Variants in CTNNA3 observed in about 807,000 individuals in gnomAD.
CTNNA3 encodes the protein catenin alpha 3.
Under a neutral mutation model 95.7 loss-of-function variants are expected in CTNNA3, and 76 were observed. The observed-to-expected ratio is 0.79, with a 90% CI of 0.66 to 0.96. CTNNA3 has a LOEUF of 0.96. Among genes scored for constraint, CTNNA3 ranks in the 40% least tolerant of loss-of-function variants. The pLI, the probability that CTNNA3 is intolerant of heterozygous loss-of-function variation, is 0.00. For synonymous variants in CTNNA3, 431 were observed against 374.4 expected (o/e 1.15, Z -1.74); for missense variants, 1,191 against 1,089.8 (o/e 1.09, Z -1.31).
At chr10:67,418,505 A>C (rs569666581) in intron 5 of CTNNA3, among the ~76,000 whole-genome samples, 5 of 82,120 alleles carry the variant, frequency 6.1e-5, no homozygotes, top group Middle Eastern at 6.9e-3. Context: ...ATTGAATACT[A>C]TTTCACTGTA....
At chr10:66,723,726 C>A (rs953829371) in intron 9 of CTNNA3, among the ~76,000 whole-genome samples, 3 of 152,104 alleles carry the variant, frequency 2.0e-5, no homozygotes, top group Admixed American at 6.6e-5. Context: ...TCTATATAGT[C>A]TGGATTCCCA....
At chr10:67,455,488 G>GGGAA (rs1215754771) in intron 5 of CTNNA3, among the ~76,000 whole-genome samples, 2 of 152,142 alleles carry the variant, frequency 1.3e-5, no homozygotes, top group African/African-American at 4.8e-5. Context: ...GAGTAGGAAG[G>GGGAA]GGAAGGGACA....
chr10:67,048,240 T>C (rs1854871901), intron 7 of CTNNA3, among the ~76,000 whole-genome samples: 1 of 152,102 alleles, frequency 6.6e-6, no homozygotes, highest in Non-Finnish European at 1.5e-5. Context: ...ATCATTTATA[T>C]AAACGAGGAA....
intron 9 of CTNNA3, among the ~76,000 whole-genome samples, chr10:66,702,874 A>G (rs1589146281): frequency 6.6e-6 from 1 of 151,984 alleles, no homozygotes; most frequent in Non-Finnish European, 1.5e-5. Context: ...CCCGTCACAC[A>G]TTTTTACCTT....
chr10:67,164,414 T>C (rs1305227852), intron 7 of CTNNA3, among the ~76,000 whole-genome samples: 18 of 152,084 alleles, frequency 1.2e-4, no homozygotes, highest in Non-Finnish European at 5.9e-5. Context: ...GTAGGAACTT[T>C]GAGAAAAGTC....
chr10:67,090,230 G>A (rs10822973), intron 7 of CTNNA3, among the ~76,000 whole-genome samples: 16,909 of 151,928 alleles, frequency 0.11, 1,116 homozygotes, highest in African/African-American at 0.19. Flanking sequence ...CCTTGTATTG[G>A]TCAATATGTG....
At chr10:67,669,707 T>C (rs1260284092) in intron 1 of CTNNA3, among the ~76,000 whole-genome samples, 2 of 152,252 alleles carry the variant, frequency 1.3e-5, no homozygotes, top group Admixed American at 6.5e-5. Flanking sequence ...TGTGGAAAGA[T>C]ACTTTTCTCT....
At chr10:65,928,616 A>G (rs2077203535) in intron 17 of CTNNA3, among the ~76,000 whole-genome samples, 1 of 152,208 alleles carries the variant, frequency 6.6e-6, no homozygotes, top group South Asian at 2.1e-4. Flanking sequence ...AAGTGCAGAA[A>G]CCACATGCAA....
chr10:66,799,710 G>A (rs1841356728), intron 7 of CTNNA3, among the ~76,000 whole-genome samples: 2 of 151,158 alleles, frequency 1.3e-5, no homozygotes, highest in Admixed American at 6.6e-5. Flanking sequence ...AGAAATAATG[G>A]CTGATAATTT....
At chr10:67,197,995 T>C (rs906563000) in intron 6 of CTNNA3, among the ~76,000 whole-genome samples, 1 of 152,182 alleles carries the variant, frequency 6.6e-6, no homozygotes, top group Non-Finnish European at 1.5e-5. Context: ...GAGCAATCTA[T>C]GTTGATGAAA....
intron 16 of CTNNA3, among the ~76,000 whole-genome samples, chr10:65,985,204 G>T (rs1476079752): frequency 6.6e-6 from 1 of 150,822 alleles, no homozygotes; most frequent in Non-Finnish European, 1.5e-5. Flanking sequence ...ATAAAAAGAA[G>T]CCCAAAAACC....
At chr10:65,955,648 T>C (rs1022086644) in intron 17 of CTNNA3, among the ~76,000 whole-genome samples, 17 of 152,320 alleles carry the variant, frequency 1.1e-4, no homozygotes, top group African/African-American at 4.1e-4. Flanking sequence ...GAGACAATCA[T>C]GTAGTTTTTG....
chr10:66,345,442 C>T (rs2092499570), intron 12 of CTNNA3, among the ~76,000 whole-genome samples: 1 of 152,126 alleles, frequency 6.6e-6, no homozygotes, highest in South Asian at 2.1e-4. Context: ...ATGGACTCTG[C>T]TCCTCTGTGT....
intron 15 of CTNNA3, among the ~76,000 whole-genome samples, chr10:66,019,037 T>G (rs1413893434): frequency 6.6e-6 from 1 of 152,154 alleles, no homozygotes; most frequent in African/African-American, 2.4e-5. Context: ...AAGACAGATA[T>G]GAAGCATTTT....
intron 12 of CTNNA3, among the ~76,000 whole-genome samples, chr10:66,328,739 C>T (rs372529918): frequency 1.3e-5 from 2 of 151,002 alleles, no homozygotes; most frequent in African/African-American, 4.9e-5. Flanking sequence ...TGGAGACCCA[C>T]TAAATCTGGT....
At chr10:66,543,762 T>C (rs557812983) in intron 10 of CTNNA3, among the ~76,000 whole-genome samples, 191 of 151,678 alleles carry the variant, frequency 1.3e-3, no homozygotes, top group African/African-American at 4.0e-3. Context: ...AAGCTGTGAA[T>C]AGCTTGTAAC....
intron 5 of CTNNA3, among the ~76,000 whole-genome samples, chr10:67,314,787 TTTA>T (rs1197277107): frequency 6.6e-6 from 1 of 152,228 alleles, no homozygotes; most frequent in East Asian, 1.9e-4. Context: ...TTGACTATCA[TTTA>T]TTATTGTTTA....
At position 67,189,139 on chromosome 10, in the gene CTNNA3, C is replaced by CAAA. The variant is rs556316828; in HGVS notation, c.844-8620_844-8619insTTT. On this transcript the variant is annotated intron_variant, in intron 6 of 17. Transcript: ENST00000433211. ...CAAACAAACAAACAAACAACAACAACAACAAAAAAAAAAACAGAAAATTCT... is the reference window on the plus strand; with the variant it reads ...CAAACAAACAAACAAACAACAACAACAAAAACAAAAAAAAAAACAGAAAATTCT... 2.9e-3 allele frequency among the ~76,000 whole-genome samples: 349 copies of CAAA among 121,996 alleles called. 1 individual carries two copies. Among genetic ancestry groups the CAAA allele is most frequent in the African/African-American group, 0.015 (317 of 20,990 alleles). The allele number at this position is 121,996 out of a possible 152,430, so 80.0% of individuals were successfully genotyped here.
intron 12 of CTNNA3, among the ~76,000 whole-genome samples, chr10:66,351,796 T>C (rs1309418343): frequency 1.3e-5 from 2 of 152,114 alleles, no homozygotes; most frequent in East Asian, 3.9e-4. Context: ...CATGTAATAT[T>C]AAAGATCTCT....
Sources: allele counts gnomAD v4.1 joint callset (sites outside exome capture counted in the v4.1 genomes callset), GRCh38; gene constraint gnomAD v4.1.1; transcripts MANE v1.5; gene names NCBI Gene and HGNC (gene_info 2026-07-23, HGNC 2026-07-21).